LYPLAL1: variants seen among roughly 807,000 people sequenced by gnomAD.
LYPLAL1 encodes lysophospholipase-like protein 1.
Under a neutral mutation model 19.7 loss-of-function variants are expected in LYPLAL1, and 23 were observed. That is an observed-to-expected ratio of 1.17 (90% CI 0.84 to 1.65). The LOEUF is 1.65. Ranked by LOEUF, LYPLAL1 falls within the 40% of genes most tolerant of loss-of-function variation. The pLI is 0.00. For missense variants in LYPLAL1, 355 were observed against 279.4 expected (o/e 1.27, Z -1.93); for synonymous variants, 119 against 96.3 (o/e 1.24, Z -1.38).
the LYPLAL1 span, among the ~76,000 whole-genome samples, chr1:219,264,041 T>A: frequency 6.6e-6 from 1 of 152,182 alleles, no homozygotes; most frequent in Non-Finnish European, 1.5e-5. Context: ...CCATTAGTCC[T>A]GTCTCCCATC....
At chr1:219,365,872 C>A in the LYPLAL1 span, among the ~76,000 whole-genome samples, 1 of 152,054 alleles carries the variant, frequency 6.6e-6, no homozygotes, top group Non-Finnish European at 1.5e-5. Flanking sequence ...TCTAGTGAAG[C>A]CATAAACTTT....
At chr1:219,346,640 A>G in the LYPLAL1 span, among the ~76,000 whole-genome samples, 1 of 152,178 alleles carries the variant, frequency 6.6e-6, no homozygotes, top group African/African-American at 2.4e-5. Context: ...TTTCCAGGAC[A>G]TCCCCAGGAG....
the LYPLAL1 span, among the ~76,000 whole-genome samples, chr1:219,288,468 G>C: frequency 8.5e-5 from 13 of 152,284 alleles, no homozygotes; most frequent in South Asian, 2.7e-3. Context: ...AGGGTTTGAG[G>C]CGTGGGATAA....
the LYPLAL1 span, among the ~76,000 whole-genome samples, chr1:219,445,415 GGGGC>G: frequency 1.7e-3 from 182 of 105,500 alleles, 2 homozygotes; most frequent in Middle Eastern, 0.017. Flanking sequence ...AATTGGGGGG[GGGGC>G]GGTGGGGGGA....
the LYPLAL1 span, among the ~76,000 whole-genome samples, chr1:219,285,871 T>C: frequency 6.6e-6 from 1 of 152,192 alleles, no homozygotes; most frequent in Non-Finnish European, 1.5e-5. Flanking sequence ...AATTTTACAT[T>C]GTAATATGTG....
chr1:219,241,134 C>CTATATATATATATATATATA, the LYPLAL1 span, among the ~76,000 whole-genome samples: 23 of 44,354 alleles, frequency 5.2e-4, no homozygotes, highest in Non-Finnish European at 7.3e-4. Context: ...CTCTCTCTCT[C>CTATATATATATATATATATA]TATATATATA....
intron 3 of LYPLAL1, among the ~76,000 whole-genome samples, chr1:219,194,340 GTAGT>G (rs1249570131): frequency 2.6e-5 from 4 of 151,816 alleles, no homozygotes; most frequent in African/African-American, 9.7e-5. Flanking sequence ...GGATTATGAA[GTAGT>G]TAGAAGATAG....
chr1:219,374,135 GA>G, the LYPLAL1 span, among the ~76,000 whole-genome samples: 47 of 149,422 alleles, frequency 3.1e-4, no homozygotes, highest in African/African-American at 9.1e-4. Context: ...GTTTTGTGTG[GA>G]TTTTTTTTTT....
At chr1:219,317,841 A>G in the LYPLAL1 span, among the ~76,000 whole-genome samples, 1 of 152,162 alleles carries the variant, frequency 6.6e-6, no homozygotes, top group Non-Finnish European at 1.5e-5. Flanking sequence ...ACTCCACTGG[A>G]CTTGTGCTGA....
In LYPLAL1 at chr1:219,210,655, C is replaced by T; in HGVS notation, c.477+8C>T. The T allele has an allele frequency of 6.3e-7, 1 of 1,590,456 alleles. No individual in the cohort carries two copies. The highest frequency in any genetic ancestry group is 8.5e-7 in the Non-Finnish European group (1 of 1,171,578). On this transcript the variant is annotated splice_region_variant and intron_variant, in intron 4 of 4. Transcript: ENST00000366928. ...GCATCTGCTGTTTACCAGGTAAGTT[C>T]CAGATTTAAAAAAAAATGAAAAAAA...
At chr1:219,380,791 C>A in the LYPLAL1 span, among the ~76,000 whole-genome samples, 1 of 152,188 alleles carries the variant, frequency 6.6e-6, no homozygotes, top group Non-Finnish European at 1.5e-5. Context: ...AAGTAAATAT[C>A]TTACTCTTTG....
chr1:219,175,626 C>T (rs1456387880), intron 1 of LYPLAL1, among the ~76,000 whole-genome samples: 5 of 152,042 alleles, frequency 3.3e-5, no homozygotes, highest in African/African-American at 4.8e-5. Flanking sequence ...TTCCTTTGTA[C>T]TTTGAACCAA....
chr1:219,398,423 A>G, the LYPLAL1 span, among the ~76,000 whole-genome samples: 36 of 152,090 alleles, frequency 2.4e-4, no homozygotes, highest in African/African-American at 7.5e-4. Flanking sequence ...ATTCTTTTCT[A>G]TACTGGCTAC....
chr1:219,180,240 C>A (rs944201203), intron 2 of LYPLAL1, among the ~76,000 whole-genome samples: 3 of 152,214 alleles, frequency 2.0e-5, no homozygotes, highest in African/African-American at 7.2e-5. Context: ...TCACCGCGGC[C>A]TCCCAAAAGT....
At chr1:219,406,342 G>A in the LYPLAL1 span, among the ~76,000 whole-genome samples, 5 of 152,038 alleles carry the variant, frequency 3.3e-5, no homozygotes, top group East Asian at 1.9e-4. Context: ...AAAACATATC[G>A]CACAGGTTTG....
At chr1:219,175,042 A>G in intron 1 of LYPLAL1, 1 of 985,424 alleles carries the variant, frequency 1.0e-6, no homozygotes, top group African/African-American at 1.7e-5. Flanking sequence ...TGGGACGGTG[A>G]TTGGAAGGGA....
At chr1:219,373,828 T>TTGCAA in the LYPLAL1 span, among the ~76,000 whole-genome samples, 1 of 144,142 alleles carries the variant, frequency 6.9e-6, no homozygotes, top group Non-Finnish European at 1.5e-5. Flanking sequence ...TCAAAGAGAT[T>TTGCAA]TGCAGCAGGC....
chr1:219,176,935 A>G (rs570229654), intron 1 of LYPLAL1, among the ~76,000 whole-genome samples: 2 of 152,324 alleles, frequency 1.3e-5, no homozygotes, highest in African/African-American at 2.4e-5. Context: ...GCTCTCATGG[A>G]GCTTATGTTC....
intron 1 of LYPLAL1, among the ~76,000 whole-genome samples, chr1:219,175,700 C>T (rs562684672): frequency 1.3e-5 from 2 of 152,264 alleles, no homozygotes; most frequent in African/African-American, 2.4e-5. Context: ...ATTTAAATCT[C>T]CACTGAAGTA....
Sources: allele counts gnomAD v4.1 joint callset (sites outside exome capture counted in the v4.1 genomes callset), GRCh38; gene constraint gnomAD v4.1.1; transcripts MANE v1.5; gene names NCBI Gene and HGNC (gene_info 2026-07-23, HGNC 2026-07-21).